Variants in SEL1L3 observed in about 807,000 individuals in gnomAD.
SEL1L3 encodes protein sel-1 homolog 3.
In SEL1L3, 76 loss-of-function variants were observed where a neutral mutation model predicts 142.8. That is an observed-to-expected ratio of 0.53 (90% CI 0.44 to 0.64). SEL1L3 has a LOEUF of 0.64. Among genes scored for constraint, SEL1L3 ranks in the 30% least tolerant of loss-of-function variants. The pLI is 0.00. For missense variants in SEL1L3, 1,262 were observed against 1,381.7 expected, an observed-to-expected ratio of 0.91 and a Z score of 1.37; for synonymous variants, 504 against 519.6, an observed-to-expected ratio of 0.97 and a Z score of 0.41.
In SEL1L3 at chr4:25,804,769, T is replaced by G. The variant is rs1713442754; in HGVS notation, c.1565-17A>C. 1 of 1,535,762 alleles carries G rather than the reference T, an allele frequency of 6.5e-7. No individual in the cohort carries two copies. The highest frequency in any genetic ancestry group is 1.4e-5 in the African/African-American group (1 of 73,166). ...TCCTTGGCACTGTAAATAACACAAT[T>G]CAGAGCACACACAATTAATTACCAT... On this transcript the variant is annotated splice_polypyrimidine_tract_variant and intron_variant, in intron 9 of 23. Coordinates refer to ENST00000399878, the MANE Select transcript of SEL1L3 (RefSeq NM_015187.5).
chr4:25,776,327 G>C lies in SEL1L3; in HGVS notation c.2619C>G (p.Tyr873Ter), dbSNP rs750370847. The C allele has an allele frequency of 2.5e-6, 4 of 1,612,818 alleles. No individual in the cohort carries two copies. ...WAKHVAEKNG[Y>*]LGHVIRKGLN... is the part of the protein sequence containing the mutation. ...GGCCTTTGCGGATGACATGGCCCAA[G>C]TAGCCATTTTTCTCAGCTACATGTT... Residue 873 changes from tyrosine to a stop codon, truncating the protein, a stop_gained, in exon 17 of 24, where the codon TAC (tyrosine) becomes TAG (stop). Transcript: ENST00000399878. LOFTEE classifies it high-confidence loss of function.
At chr4:25,832,276 T>G (rs1246096682) in intron 5 of SEL1L3, among the ~76,000 whole-genome samples, 3 of 152,292 alleles carry the variant, frequency 2.0e-5, no homozygotes, top group Non-Finnish European at 4.4e-5. Flanking sequence ...CCTCTTCCAG[T>G]TTTGTTACAG....
At chr4:25,830,278 A>G in intron 5 of SEL1L3, 122 bp from the exon 6 acceptor site, 2 of 594,116 alleles carry the variant, frequency 3.4e-6, no homozygotes, top group Non-Finnish European at 3.0e-6. Context: ...CAGTTTCTGC[A>G]AAAATAAAAT....
chr4:25,811,892 C>T (rs891879016), intron 9 of SEL1L3, among the ~76,000 whole-genome samples: 3 of 151,978 alleles, frequency 2.0e-5, no homozygotes, highest in Non-Finnish European at 4.4e-5. Context: ...TATAAAGTGA[C>T]ATAATGTCTA....
In SEL1L3 at chr4:25,847,202, C is replaced by G. The variant is rs972929602; in HGVS notation, c.733+92G>C. 34 of 1,056,938 alleles carry G rather than the reference C, an allele frequency of 3.2e-5. No homozygotes were observed. In the South Asian group the frequency reaches 5.1e-4, roughly 16 times the overall value. The allele number at this position is 1,056,938 out of a possible 1,614,324, so 65.5% of individuals were successfully genotyped here. ...CCTCCATCTTCCCTGTATCCCCCTT[C>G]GCTAATAGAAGAATTTTCTCTTGCC... On this transcript the variant is annotated intron_variant, in intron 2 of 23. Transcript: ENST00000399878.
chr4:25,834,346 A>G (rs1222405042), intron 3 of SEL1L3, among the ~76,000 whole-genome samples: 6 of 152,254 alleles, frequency 3.9e-5, no homozygotes, highest in Non-Finnish European at 1.5e-5. Flanking sequence ...ACTGACCAGT[A>G]GTTCAAAGAT....
chr4:25,795,071 G>T (rs1406144230), intron 11 of SEL1L3, among the ~76,000 whole-genome samples: 1 of 133,344 alleles, frequency 7.5e-6, no homozygotes, highest in Admixed American at 7.8e-5. Flanking sequence ...GGGGGGGAGG[G>T]AGAAGATCAG....
chr4:25,717,784 C>T, the SEL1L3 span, among the ~76,000 whole-genome samples: 1 of 152,206 alleles, frequency 6.6e-6, no homozygotes, highest in Non-Finnish European at 1.5e-5. Context: ...GGGCAAGTCA[C>T]GTAATCTCTT....
chr4:25,753,506 C>G (rs1165100218), intron 23 of SEL1L3, among the ~76,000 whole-genome samples: 1 of 152,212 alleles, frequency 6.6e-6, no homozygotes, highest in African/African-American at 2.4e-5. Flanking sequence ...TGTCTTCCCC[C>G]AGCTGTGGGG....
chr4:25,843,675 G>A (rs1716313700), intron 2 of SEL1L3, among the ~76,000 whole-genome samples: 1 of 152,228 alleles, frequency 6.6e-6, no homozygotes, highest in Non-Finnish European at 1.5e-5. Context: ...CACCCAGAAT[G>A]CAGCAGTAAC....
At chr4:25,758,705 G>A (rs1298689064) in intron 21 of SEL1L3, among the ~76,000 whole-genome samples, 1 of 150,102 alleles carries the variant, frequency 6.7e-6, no homozygotes, top group Non-Finnish European at 1.5e-5. Flanking sequence ...GTAGAGATAA[G>A]GTTCTGCCAG....
intron 3 of SEL1L3, among the ~76,000 whole-genome samples, chr4:25,833,989 A>G (rs1272268546): frequency 6.6e-6 from 1 of 152,230 alleles, no homozygotes; most frequent in Non-Finnish European, 1.5e-5. Flanking sequence ...GAGCCTTTTG[A>G]GCAATTTTGT....
chr4:25,797,582 T>G (rs1712872872), intron 11 of SEL1L3, among the ~76,000 whole-genome samples: 1 of 152,124 alleles, frequency 6.6e-6, no homozygotes, highest in African/African-American at 2.4e-5. Context: ...TGGTGCTGCA[T>G]GCAAGAGAGG....
intron 6 of SEL1L3, among the ~76,000 whole-genome samples, chr4:25,827,339 T>C (rs1715158895): frequency 6.6e-6 from 1 of 152,166 alleles, no homozygotes; most frequent in African/African-American, 2.4e-5. Flanking sequence ...TAACCCAATA[T>C]GACTGACATC....
intron 13 of SEL1L3, among the ~76,000 whole-genome samples, chr4:25,787,460 A>T (rs1711930196): frequency 6.6e-6 from 1 of 152,100 alleles, no homozygotes; most frequent in Admixed American, 6.5e-5. Context: ...AGCTGGGATT[A>T]CAGGCACAGC....
chr4:25,744,499 G>A (rs189895594), downstream of SEL1L3, among the ~76,000 whole-genome samples: 537 of 151,912 alleles, frequency 3.5e-3, 19 homozygotes, highest in Admixed American at 0.028. Context: ...GATTAGAGGC[G>A]TGCACCACCA....
chr4:25,738,951 A>G, the SEL1L3 span, among the ~76,000 whole-genome samples: 1 of 152,140 alleles, frequency 6.6e-6, no homozygotes, highest in Non-Finnish European at 1.5e-5. Context: ...CACGCCTGTA[A>G]TCCCAGCACT....
rs1718206919 is a variant in SEL1L3, at chr4:25,759,137, G to A, written c.2956-69C>T. The A allele has an allele frequency of 5.9e-6, 9 of 1,519,626 alleles. No homozygotes were observed. The South Asian group carries it at 1.2e-4, about 20-fold the overall frequency. 94.1% of individuals were successfully genotyped at this position (1,519,626 alleles called of 1,614,324 possible). On this transcript the variant is annotated intron_variant, in intron 20 of 23. Transcript: ENST00000399878. ...AAACCTAGACACACACTCTTCATCA[G>A]AATGTAAATGTTTACAACCTCTAAA...
intron 1 of SEL1L3, among the ~76,000 whole-genome samples, chr4:25,854,679 T>C (rs1717124986): frequency 6.6e-6 from 1 of 152,222 alleles, no homozygotes; most frequent in African/African-American, 2.4e-5. Context: ...GGTGAATAGC[T>C]CAACTGGGCA....
Sources: allele counts gnomAD v4.1 joint callset (sites outside exome capture counted in the v4.1 genomes callset), GRCh38; gene constraint gnomAD v4.1.1; transcripts MANE v1.5; gene names NCBI Gene and HGNC (gene_info 2026-07-23, HGNC 2026-07-21).